ZFAND3: variants seen among roughly 807,000 people sequenced by gnomAD.
ZFAND3 encodes zinc finger AN1-type containing 3.
A neutral mutation model predicts 29.6 loss-of-function variants in ZFAND3; 10 were observed. That is an observed-to-expected ratio of 0.34 (90% confidence interval 0.21 to 0.57). ZFAND3 has a LOEUF of 0.57. Ranked by LOEUF, ZFAND3 falls within the 20% of genes least tolerant of loss-of-function variation. ZFAND3 has a pLI of 0.86. For missense variants in ZFAND3, 230 were observed against 304.5 expected (o/e 0.76, Z 1.82); for synonymous variants, 128 against 112.6 (o/e 1.14, Z -0.87).
At chr6:38,056,088 G>A (rs745728880) in intron 2 of ZFAND3, among the ~76,000 whole-genome samples, 4 of 152,162 alleles carry the variant, frequency 2.6e-5, no homozygotes, top group Non-Finnish European at 4.4e-5. Flanking sequence ...AAAAATGTAC[G>A]TCCTCTCTTA....
intron 2 of ZFAND3, among the ~76,000 whole-genome samples, chr6:38,052,754 C>T (rs955765521): frequency 2.0e-5 from 3 of 151,862 alleles, no homozygotes; most frequent in Admixed American, 6.6e-5. Flanking sequence ...CCATGTTGAC[C>T]GCCGGGCGTG....
chr6:38,064,875 G>A (rs1005939580), intron 3 of ZFAND3, among the ~76,000 whole-genome samples: 5 of 152,092 alleles, frequency 3.3e-5, no homozygotes, highest in African/African-American at 1.2e-4. Context: ...TTGCCAGTTG[G>A]AGATATGGTG....
intron 4 of ZFAND3, among the ~76,000 whole-genome samples, chr6:38,109,243 C>A (rs897202364): frequency 6.8e-6 from 1 of 146,344 alleles, no homozygotes; most frequent in Non-Finnish European, 1.5e-5. Context: ...AGTGCAATGG[C>A]GCGATCTTGG....
chr6:38,010,924 T>TTTTTA (rs1763139234), intron 2 of ZFAND3, among the ~76,000 whole-genome samples: 2 of 149,578 alleles, frequency 1.3e-5, no homozygotes, highest in Non-Finnish European at 1.5e-5. Flanking sequence ...TTTTTTTTTT[T>TTTTTA]AAAGAGATGA....
chr6:37,835,752 T>A (rs1344281176), intron 1 of ZFAND3, among the ~76,000 whole-genome samples: 2 of 152,146 alleles, frequency 1.3e-5, no homozygotes, highest in Admixed American at 6.5e-5. Context: ...TTCTTTTTTT[T>A]AACACAAATA....
intron 4 of ZFAND3, among the ~76,000 whole-genome samples, chr6:38,088,886 T>G (rs891701359): frequency 3.9e-5 from 6 of 152,194 alleles, no homozygotes; most frequent in African/African-American, 9.7e-5. Context: ...GACTAAGAAC[T>G]GTTCCATTAA....
chr6:37,881,063 T>C (rs1365088365), intron 1 of ZFAND3, among the ~76,000 whole-genome samples: 3 of 152,044 alleles, frequency 2.0e-5, no homozygotes, highest in Admixed American at 2.0e-4. Flanking sequence ...GTCTTTATTT[T>C]TATTTATTTA....
chr6:37,911,202 A>ATC (rs1419817961), intron 1 of ZFAND3, among the ~76,000 whole-genome samples: 9 of 152,156 alleles, frequency 5.9e-5, no homozygotes, highest in Non-Finnish European at 1.5e-5. Context: ...ACTTGTTGTT[A>ATC]TCTCTTGTCT....
At chr6:37,872,173 G>A (rs1256535355) in intron 1 of ZFAND3, among the ~76,000 whole-genome samples, 2 of 152,118 alleles carry the variant, frequency 1.3e-5, no homozygotes, top group Admixed American at 6.5e-5. Flanking sequence ...ATTACCTAAC[G>A]TGGCTTACGT....
intron 1 of ZFAND3, among the ~76,000 whole-genome samples, chr6:37,824,565 G>T (rs1763725603): frequency 6.6e-6 from 1 of 152,184 alleles, no homozygotes; most frequent in South Asian, 2.1e-4. Flanking sequence ...ATAATCTCGT[G>T]ATGACATATG....
chr6:37,934,708 G>A (rs1017866649), intron 2 of ZFAND3, among the ~76,000 whole-genome samples: 5 of 151,474 alleles, frequency 3.3e-5, no homozygotes, highest in Admixed American at 1.3e-4. Context: ...GTGTAGTGGT[G>A]CATGCCTGTA....
intron 4 of ZFAND3, among the ~76,000 whole-genome samples, chr6:38,110,896 GTGCAGGCTGCCAGC>G (rs1204162927): frequency 2.6e-5 from 4 of 152,196 alleles, no homozygotes; most frequent in African/African-American, 9.7e-5. Context: ...CACGGGGTGT[GTGCAGGCTGCCAGC>G]TGCAGGGTGA....
At chr6:37,996,068 G>A (rs1762843670) in intron 2 of ZFAND3, among the ~76,000 whole-genome samples, 1 of 151,494 alleles carries the variant, frequency 6.6e-6, no homozygotes, top group Non-Finnish European at 1.5e-5. Flanking sequence ...GGCGTAGGTT[G>A]CAGTGAGCCG....
At chr6:37,914,672 C>CTTTCTT (rs1554157840) in intron 1 of ZFAND3, among the ~76,000 whole-genome samples, 1 of 114,210 alleles carries the variant, frequency 8.8e-6, no homozygotes, top group Non-Finnish European at 1.8e-5. Flanking sequence ...CTTTTTTTTT[C>CTTTCTT]TTTTTTTTTT....
At chr6:37,857,887 T>G (rs1764412893) in intron 1 of ZFAND3, among the ~76,000 whole-genome samples, 1 of 152,166 alleles carries the variant, frequency 6.6e-6, no homozygotes. Flanking sequence ...GATAGACCTT[T>G]TAGGGTTATG....
In ZFAND3 at chr6:37,869,654, G is replaced by A. The variant is rs1165224242; in HGVS notation, c.71+49638G>A. 6.6e-5 allele frequency among the ~76,000 whole-genome samples: 10 copies of A among 151,152 alleles called. No homozygotes were observed. In the East Asian group the frequency reaches 7.8e-4, roughly 12 times the overall value. Reference sequence around the variant, plus strand: ...CTCCTGAGTAGCTGGGACTACAGGCGCACACCATTGTGCCTGGCTATTAAA... The same window carrying A: ...CTCCTGAGTAGCTGGGACTACAGGCACACACCATTGTGCCTGGCTATTAAA... On this transcript the variant is annotated intron_variant, in intron 1 of 5. Coordinates refer to ENST00000287218, the MANE Select transcript of ZFAND3 (RefSeq NM_021943.3).
chr6:38,026,587 GC>G (rs1021539095), intron 2 of ZFAND3, among the ~76,000 whole-genome samples: 2 of 151,752 alleles, frequency 1.3e-5, no homozygotes, highest in Non-Finnish European at 2.9e-5. Flanking sequence ...GCACCCCCAT[GC>G]CCCACTAATT....
intron 1 of ZFAND3, among the ~76,000 whole-genome samples, chr6:37,850,785 C>T (rs1269906715): frequency 6.6e-6 from 1 of 152,136 alleles, no homozygotes; most frequent in African/African-American, 2.4e-5. Flanking sequence ...ACGGAGGCAG[C>T]GATGGGTCTT....
At chr6:37,925,008 A>AG (rs1420670768) in intron 1 of ZFAND3, among the ~76,000 whole-genome samples, 3 of 152,084 alleles carry the variant, frequency 2.0e-5, no homozygotes, top group East Asian at 3.9e-4. Context: ...GTGGTGAATG[A>AG]GGGGGCAGAA....
Sources: gnomAD v4.1 joint callset for allele counts (sites outside exome capture counted in the v4.1 genomes callset) on GRCh38, gnomAD v4.1.1 for gene constraint, MANE v1.5 for transcripts, NCBI Gene and HGNC (gene_info 2026-07-23, HGNC 2026-07-21) for gene names.